The following DLG2 variants were observed in gnomAD, a reference collection of about 807,000 sequenced individuals.
DLG2 encodes the protein discs large MAGUK scaffold protein 2.
In DLG2, 45 loss-of-function variants were observed where a neutral mutation model predicts 132.5. The ratio of observed to expected loss-of-function variants is 0.34; its 90% CI spans 0.27 to 0.44. The LOEUF (loss-of-function observed/expected upper bound fraction) is 0.44. Among genes scored for constraint, DLG2 ranks in the 20% least tolerant of loss-of-function variants. The probability of loss-of-function intolerance (pLI) is 1.00; values close to 1 mark genes in which losing one functional copy is unlikely to be tolerated. For synonymous variants in DLG2, 424 were observed against 419.6 expected (o/e 1.01, Z -0.13); for missense variants, 1,045 against 1,196.9 (o/e 0.87, Z 1.87).
intron 18 of DLG2, among the ~76,000 whole-genome samples, chr11:83,774,406 G>A (rs557183742): frequency 3.9e-5 from 6 of 152,220 alleles, no homozygotes; most frequent in East Asian, 3.9e-4. Flanking sequence ...GTACGCCTTC[G>A]TTTAATCCCC....
At chr11:84,018,618 TCA>T (rs918752287) in intron 11 of DLG2, among the ~76,000 whole-genome samples, 2 of 150,848 alleles carry the variant, frequency 1.3e-5, no homozygotes, top group African/African-American at 4.9e-5. Flanking sequence ...AGCAAAGGGA[TCA>T]CACATGAGTC....
chr11:85,461,004 A>G (rs72953904), intron 3 of DLG2, among the ~76,000 whole-genome samples: 4,418 of 145,372 alleles, frequency 0.03, 100 homozygotes, highest in East Asian at 0.096. Context: ...TAGAAAATGA[A>G]GAGTAATTTC....
rs186042882 is a variant in DLG2, at chr11:85,352,224, T to C, written c.41-66859A>G. Among the ~76,000 whole-genome samples the C allele has an allele frequency of 1.4e-4, 21 of 152,334 alleles. 1 individual carries two copies. The highest frequency in any genetic ancestry group is 4.1e-4 in the African/African-American group (17 of 41,590). On this transcript the variant is annotated intron_variant, in intron 3 of 27. Coordinates refer to ENST00000376104, the MANE Select transcript of DLG2 (RefSeq NM_001142699.3). The stretch of plus-strand genomic sequence containing the variant: ...ACGTGTTTATAGTATTCTCTGATGG[T>C]AGTTTATATTTCTGTGGGATTGGTG...
chr11:84,381,365 T>C (rs2098748668), intron 7 of DLG2, among the ~76,000 whole-genome samples: 1 of 152,070 alleles, frequency 6.6e-6, no homozygotes, highest in African/African-American at 2.4e-5. Flanking sequence ...CACTCACCAG[T>C]TCAATTTCAG....
intron 4 of DLG2, among the ~76,000 whole-genome samples, chr11:85,235,662 G>A (rs912252029): frequency 6.6e-6 from 1 of 151,818 alleles, no homozygotes; most frequent in African/African-American, 2.4e-5. Flanking sequence ...AGAAAACAAT[G>A]AGTCAATATA....
At chr11:84,744,162 G>GAACAAC (rs796782598) in intron 6 of DLG2, among the ~76,000 whole-genome samples, 1 of 151,956 alleles carries the variant, frequency 6.6e-6, no homozygotes, top group African/African-American at 2.4e-5. Context: ...GAAGAGCCCT[G>GAACAAC]AACAACAACA....
rs143841468 is a variant in DLG2 at position 84,607,967 on chromosome 11, T to G, written c.358-73236A>C. Among the ~76,000 whole-genome samples the G allele has an allele frequency of 2.9e-3, 444 of 152,292 alleles. 1 individual carries two copies. The highest frequency in any genetic ancestry group is 9.8e-3 in the African/African-American group (407 of 41,566). ...ACAACCAGTCTCTCTGAACAGCTTTTCTTTGGTTTGGTGACCTAAGGAGAA... is the reference window on the plus strand; with the variant it reads ...ACAACCAGTCTCTCTGAACAGCTTTGCTTTGGTTTGGTGACCTAAGGAGAA... On this transcript the variant is annotated intron_variant, in intron 6 of 27. Coordinates refer to ENST00000376104, the MANE Select transcript of DLG2 (RefSeq NM_001142699.3).
At chr11:84,875,880 G>A (rs1340808219) in intron 6 of DLG2, among the ~76,000 whole-genome samples, 1 of 152,086 alleles carries the variant, frequency 6.6e-6, no homozygotes, top group African/African-American at 2.4e-5. Flanking sequence ...GAGGATTACA[G>A]GTGTCCGCCA....
At chr11:84,474,304 T>C (rs1228636492) in intron 7 of DLG2, among the ~76,000 whole-genome samples, 1 of 152,068 alleles carries the variant, frequency 6.6e-6, no homozygotes, top group Non-Finnish European at 1.5e-5. Flanking sequence ...AAAAGATTAA[T>C]TTTCATTAAA....
chr11:84,136,231 C>A (rs1273306215), intron 9 of DLG2, among the ~76,000 whole-genome samples: 5 of 152,032 alleles, frequency 3.3e-5, no homozygotes, highest in Admixed American at 6.6e-5. Context: ...ATAACATCTA[C>A]CACATAGGTT....
chr11:84,793,864 T>C (rs1019099564), intron 6 of DLG2, among the ~76,000 whole-genome samples: 4 of 152,228 alleles, frequency 2.6e-5, no homozygotes, highest in African/African-American at 9.6e-5. Context: ...TTCTATGTCT[T>C]TTCATTGGAA....
intron 6 of DLG2, among the ~76,000 whole-genome samples, chr11:84,702,218 C>T (rs540052081): frequency 4.9e-4 from 74 of 151,710 alleles, no homozygotes; most frequent in African/African-American, 1.8e-3. Flanking sequence ...TTACCCTGCA[C>T]CTCTCAAAGC....
At position 84,184,632 on chromosome 11, in the gene DLG2, G is replaced by T. The variant is rs373486226; in HGVS notation, c.574-21121C>A. Among the ~76,000 whole-genome samples the T allele has an allele frequency of 9.2e-4, 140 of 152,094 alleles. No homozygotes were observed. The East Asian group carries it at 0.017, about 18-fold the overall frequency. On this transcript the variant is annotated intron_variant, in intron 8 of 27. Coordinates refer to ENST00000376104, the MANE Select transcript of DLG2 (RefSeq NM_001142699.3). Reference sequence around the variant, plus strand: ...GCCATTGCTTTTGGTGTTTTAGACAGGAAGTCCTTGCCCATGCCTATGTCC... The same window carrying T: ...GCCATTGCTTTTGGTGTTTTAGACATGAAGTCCTTGCCCATGCCTATGTCC...
intron 6 of DLG2, among the ~76,000 whole-genome samples, chr11:85,015,412 TA>T (rs5793152): frequency 0.83 from 118,159 of 141,592 alleles, 49,203 homozygotes; most frequent in East Asian, 0.99. Context: ...CAGTGTTATT[TA>T]AAAAAAAAAA....
At chr11:84,104,245 T>TA (rs1205914462) in intron 9 of DLG2, among the ~76,000 whole-genome samples, 2 of 151,900 alleles carry the variant, frequency 1.3e-5, no homozygotes, top group Non-Finnish European at 1.5e-5. Flanking sequence ...TACACAGCCA[T>TA]AAAAAAAGAA....
chr11:83,841,897 A>C (rs909601169), intron 16 of DLG2, among the ~76,000 whole-genome samples: 1 of 152,208 alleles, frequency 6.6e-6, no homozygotes, highest in African/African-American at 2.4e-5. Flanking sequence ...ACATGTAAAC[A>C]AACGCTTATA....
intron 18 of DLG2, among the ~76,000 whole-genome samples, chr11:83,638,899 A>C (rs912680463): frequency 2.0e-5 from 3 of 152,212 alleles, no homozygotes; most frequent in African/African-American, 7.2e-5. Context: ...GAGCAAGGTC[A>C]TAGGTGTGAA....
chr11:84,467,613 C>T (rs562862932), intron 7 of DLG2, among the ~76,000 whole-genome samples: 3 of 151,104 alleles, frequency 2.0e-5, no homozygotes, highest in Admixed American at 6.6e-5. Flanking sequence ...TTAAAACACA[C>T]CAAACAAATA....
intron 6 of DLG2, among the ~76,000 whole-genome samples, chr11:84,757,775 C>G (rs147089109): frequency 1.8e-4 from 28 of 152,282 alleles, no homozygotes; most frequent in Admixed American, 1.3e-4. Flanking sequence ...ATGTTTCCCA[C>G]CATGCCATGT....
Sources: gnomAD v4.1 joint callset for allele counts (sites outside exome capture counted in the v4.1 genomes callset) on GRCh38, gnomAD v4.1.1 for gene constraint, MANE v1.5 for transcripts, NCBI Gene and HGNC (gene_info 2026-07-23, HGNC 2026-07-21) for gene names.